The following ZFYVE9 variants were observed in gnomAD, a reference collection of about 807,000 sequenced individuals.
The protein encoded by ZFYVE9 is zinc finger FYVE-type containing 9.
ZFYVE9 carries 43 observed loss-of-function variants against 126.7 expected under a neutral mutation model. The ratio of observed to expected loss-of-function variants is 0.34; its 90% CI spans 0.27 to 0.44. The LOEUF is 0.44. Among genes scored for constraint, ZFYVE9 ranks in the 20% least tolerant of loss-of-function variants. The probability of loss-of-function intolerance (pLI) is 1.00; values close to 1 mark genes in which losing one functional copy is unlikely to be tolerated. For synonymous variants in ZFYVE9, 521 were observed against 597.4 expected (o/e 0.87, Z 1.87); for missense variants, 1,476 against 1,697.0 (o/e 0.87, Z 2.29).
chr1:52,240,662 C>T (rs1182033006), intron 4 of ZFYVE9, among the ~76,000 whole-genome samples: 3 of 152,112 alleles, frequency 2.0e-5, no homozygotes, highest in Non-Finnish European at 4.4e-5. Context: ...CGGTCTTCCC[C>T]TCATGTCAGA....
chr1:52,190,230 A>G (rs917884999), intron 1 of ZFYVE9: 4 of 152,442 alleles, frequency 2.6e-5, no homozygotes, highest in African/African-American at 7.2e-5. Flanking sequence ...GGGTTCCTTC[A>G]TAATACCTGT....
chr1:52,171,304 C>T (rs1360042677), intron 1 of ZFYVE9, among the ~76,000 whole-genome samples: 1 of 152,158 alleles, frequency 6.6e-6, no homozygotes, highest in African/African-American at 2.4e-5. Flanking sequence ...CCAATTTCAT[C>T]CATGTCCCTA....
intron 13 of ZFYVE9, among the ~76,000 whole-genome samples, chr1:52,318,989 C>T (rs1646213040): frequency 6.6e-6 from 1 of 152,020 alleles, no homozygotes; most frequent in African/African-American, 2.4e-5. Flanking sequence ...TCCAGCTACT[C>T]AAGAGGCTGA....
At chr1:52,174,266 G>A (rs1283858180) in intron 1 of ZFYVE9, among the ~76,000 whole-genome samples, 2 of 152,060 alleles carry the variant, frequency 1.3e-5, no homozygotes, top group African/African-American at 2.4e-5. Flanking sequence ...TATGTACCCA[G>A]TAGTCATTCA....
rs545208610 is a variant in ZFYVE9 at position 52,237,933 on chromosome 1, T to C, written c.516T>C (p.Tyr172=). 6.8e-6 allele frequency: 11 copies of C among 1,614,030 alleles called. No individual in the cohort carries two copies. The highest frequency in any genetic ancestry group is 1.1e-5 in the South Asian group (1 of 91,076). Residue 172 remains tyrosine (Y), a synonymous_variant, in exon 4 of 19, where the codon TAT becomes TAC. Transcript: ENST00000287727. ...LQNDLQDCNN[Y]NSQSLMDAFS... ...ACGATTTACAGGATTGTAATAATTA[T>C]AATAGTCAATCCCTTATGGATGCTT...
intron 1 of ZFYVE9, among the ~76,000 whole-genome samples, chr1:52,145,986 C>G (rs1237960242): frequency 2.0e-5 from 3 of 151,372 alleles, no homozygotes; most frequent in Non-Finnish European, 4.4e-5. Context: ...ACAGTCAGAT[C>G]TCTGTATCTG....
At position 52,346,349 on chromosome 1, in the gene ZFYVE9, GAGT is replaced by G; in HGVS notation, c.*129_*131del. 6.4e-6 allele frequency: 2 copies of G among 313,106 alleles called. No homozygotes were observed. The highest frequency in any genetic ancestry group is 6.3e-5 in the East Asian group (1 of 15,814). 19.4% of individuals were successfully genotyped at this position (313,106 alleles called of 1,614,324 possible). On this transcript the variant is annotated 3_prime_UTR_variant, in exon 19 of 19. Coordinates refer to ENST00000287727, the MANE Select transcript of ZFYVE9 (RefSeq NM_004799.4). ...ATTAATGGGGTGGGGAATAGGGTGG[GAGT>G]GGGGGTTTGGGAGACGGGTGGGAAA...
intron 1 of ZFYVE9, among the ~76,000 whole-genome samples, chr1:52,208,647 C>T (rs1269544794): frequency 1.3e-5 from 2 of 152,016 alleles, no homozygotes; most frequent in Non-Finnish European, 2.9e-5. Context: ...GATTCTCCTG[C>T]CTTAGCCTCC....
At chr1:52,179,727 GT>G (rs1644679532) in intron 1 of ZFYVE9, 2 of 372,746 alleles carry the variant, frequency 5.4e-6, no homozygotes, top group Non-Finnish European at 9.9e-6. Context: ...AGAGTATCAA[GT>G]TTTTATAGGA....
chr1:52,255,024 C>T (rs1300204942), intron 4 of ZFYVE9, among the ~76,000 whole-genome samples: 3 of 149,206 alleles, frequency 2.0e-5, no homozygotes, highest in South Asian at 2.1e-4. Flanking sequence ...CCCAGGAGGT[C>T]GAGGCTGCAG....
chr1:52,306,549 G>A (rs1646087363), intron 13 of ZFYVE9, among the ~76,000 whole-genome samples: 1 of 152,248 alleles, frequency 6.6e-6, no homozygotes, highest in Non-Finnish European at 1.5e-5. Flanking sequence ...CCAAATGGCA[G>A]GGCTGAAAGA....
At chr1:52,280,745 A>C (rs1241034634) in intron 9 of ZFYVE9, among the ~76,000 whole-genome samples, 1 of 152,204 alleles carries the variant, frequency 6.6e-6, no homozygotes, top group Admixed American at 6.5e-5. Flanking sequence ...AAGCCAAGTA[A>C]AGTCATGTTG....
At chr1:52,232,530 A>G (rs1645232894) in intron 2 of ZFYVE9, among the ~76,000 whole-genome samples, 1 of 152,032 alleles carries the variant, frequency 6.6e-6, no homozygotes, top group African/African-American at 2.4e-5. Context: ...GGAGTTTGAG[A>G]CCAGCCTGGC....
intron 1 of ZFYVE9, among the ~76,000 whole-genome samples, chr1:52,165,732 C>G (rs1446580620): frequency 1.3e-5 from 2 of 152,146 alleles, no homozygotes; most frequent in Middle Eastern, 3.2e-3. Flanking sequence ...CTGGATTCTT[C>G]TGACAGAAAA....
At chr1:52,250,316 T>C (rs1416797857) in intron 4 of ZFYVE9, among the ~76,000 whole-genome samples, 8 of 152,206 alleles carry the variant, frequency 5.3e-5, no homozygotes, top group Admixed American at 4.6e-4. Context: ...TAGTTTTCAC[T>C]GTACAGTATT....
intron 1 of ZFYVE9, among the ~76,000 whole-genome samples, chr1:52,183,349 T>C (rs1031462387): frequency 6.6e-6 from 1 of 152,174 alleles, no homozygotes; most frequent in African/African-American, 2.4e-5. Context: ...CTTATAGCAA[T>C]CACCAACATA....
intron 1 of ZFYVE9, among the ~76,000 whole-genome samples, chr1:52,210,793 T>C (rs540408807): frequency 1.3e-5 from 2 of 152,326 alleles, no homozygotes; most frequent in East Asian, 3.9e-4. Flanking sequence ...TAGCTGGGAC[T>C]ACAGGTGCCT....
chr1:52,188,519 C>G (rs1460804441), intron 1 of ZFYVE9, among the ~76,000 whole-genome samples: 1 of 152,004 alleles, frequency 6.6e-6, no homozygotes, highest in Non-Finnish European at 1.5e-5. Flanking sequence ...CTAGTTTATC[C>G]AACAGTTAGA....
intron 13 of ZFYVE9, among the ~76,000 whole-genome samples, chr1:52,306,848 G>T (rs1646089614): frequency 6.6e-6 from 1 of 152,262 alleles, no homozygotes; most frequent in Non-Finnish European, 1.5e-5. Context: ...CCTCACTGCA[G>T]CAGCCAGCAT....
Sources: gnomAD v4.1 joint callset for allele counts (sites outside exome capture counted in the v4.1 genomes callset) on GRCh38, gnomAD v4.1.1 for gene constraint, MANE v1.5 for transcripts, NCBI Gene and HGNC (gene_info 2026-07-23, HGNC 2026-07-21) for gene names.